SDR9C7: variants seen among roughly 807,000 people sequenced by gnomAD.
The protein encoded by SDR9C7 is short-chain dehydrogenase/reductase family 9C member 7.
In SDR9C7, 11 loss-of-function variants were observed where a neutral mutation model predicts 23.6. The ratio of observed to expected loss-of-function variants is 0.47; its 90% confidence interval spans 0.29 to 0.77. The LOEUF (loss-of-function observed/expected upper bound fraction) is 0.77. Among genes scored for constraint, SDR9C7 ranks in the 30% least tolerant of loss-of-function variants. SDR9C7 has a pLI of 0.09. For synonymous variants in SDR9C7, 167 were observed against 157.3 expected (o/e 1.06, Z -0.46); for missense variants, 387 against 407.1 (o/e 0.95, Z 0.42).
rs763148682 is a variant in SDR9C7 at position 56,934,116 on chromosome 12, C to G, written c.146G>C (p.Gly49Ala). ...GAAGCAAGCAGCCAGCACCTGCATG[C>G]CCCGATCAACCAGCTGTTTGGCCAG... ...NLLAKQLVDR[G>A]MQVLAACFTE... is the part of the protein sequence containing the mutation. The change falls in exon 1 of 4, where the codon GGC becomes GCC. Residue 49 changes from glycine (G) to alanine (A), a missense_variant. Physicochemically the swap from Gly to Ala is moderately conservative, Grantham distance 60 (BLOSUM62 0). Coordinates refer to ENST00000293502, the MANE Select transcript of SDR9C7 (RefSeq NM_148897.3). 1 of 1,614,232 alleles carries G rather than the reference C, an allele frequency of 6.2e-7. No homozygotes were observed. Among genetic ancestry groups the G allele is most frequent in the Non-Finnish European group, 8.5e-7 (1 of 1,180,048 alleles).
At chr12:56,924,255 C>T (rs578100888) in intron 3 of SDR9C7, among the ~76,000 whole-genome samples, 17 of 152,018 alleles carry the variant, frequency 1.1e-4, no homozygotes, top group East Asian at 3.9e-4. Flanking sequence ...ATGGTGAAAC[C>T]CCATCTCTAC....
intron 2 of SDR9C7, 84 bp downstream of exon 2, chr12:56,930,142 C>T (rs1298941592): frequency 1.7e-5 from 26 of 1,500,160 alleles, no homozygotes; most frequent in Non-Finnish European, 2.4e-5. Context: ...CTGCGGAATT[C>T]CCCTGCCCAC....
At chr12:56,926,001 G>A (rs1955731441) in intron 3 of SDR9C7, among the ~76,000 whole-genome samples, 1 of 152,212 alleles carries the variant, frequency 6.6e-6, no homozygotes, top group Non-Finnish European at 1.5e-5. Context: ...TCAGTGCTGG[G>A]CACCCTGCTA....
intron 3 of SDR9C7, among the ~76,000 whole-genome samples, chr12:56,928,777 C>A (rs1955749621): frequency 6.6e-6 from 1 of 152,178 alleles, no homozygotes; most frequent in Non-Finnish European, 1.5e-5. Flanking sequence ...CCGTGTCCCA[C>A]CTCTACCCTC....
rs1565614458 is a variant in SDR9C7 at position 56,934,133 on chromosome 12, T to C, written c.129A>G (p.Lys43=). ...CCTGCATGCCCCGATCAACCAGCTGTTTGGCCAGCAGGTTCCCGAAGCCAG... is the reference window on the plus strand; with the variant it reads ...CCTGCATGCCCCGATCAACCAGCTGCTTGGCCAGCAGGTTCCCGAAGCCAG... ...CDSGFGNLLA[K]QLVDRGMQVL... is the part of the protein sequence containing the mutation. Residue 43 remains lysine (K), a synonymous_variant, in exon 1 of 4, where the codon AAA becomes AAG. Transcript: ENST00000293502. 6.2e-7 allele frequency: 1 copy of C among 1,614,176 alleles called. No individual in the cohort carries two copies. The highest frequency in any genetic ancestry group is 1.6e-4 in the Middle Eastern group (1 of 6,062).
At chr12:56,929,368 C>A in intron 3 of SDR9C7, 22 bp downstream of exon 3, 1 of 1,591,582 alleles carries the variant, frequency 6.3e-7, no homozygotes, top group South Asian at 1.1e-5. Context: ...TCAGAGACCC[C>A]TCTCCTGCCC....
Position 56,930,387 on chromosome 12 carries a change from G to A in SDR9C7, c.399C>T (p.Asn133=). Residue 133 remains asparagine (N), a synonymous_variant, in exon 2 of 4, where the codon AAC becomes AAT. Transcript: ENST00000293502. The part of the protein sequence containing the change: ...KDDFVKVINV[N]LVGLIEVTLH... Reference sequence around the variant, plus strand: ...GGGTCACTTCGATCAGTCCCACCAGGTTCACATTAATCACCTTCACAAAGT... The same window carrying A: ...GGGTCACTTCGATCAGTCCCACCAGATTCACATTAATCACCTTCACAAAGT... 4 of 1,614,144 alleles carry A rather than the reference G, an allele frequency of 2.5e-6. No individual in the cohort carries two copies. Among genetic ancestry groups the A allele is most frequent in the South Asian group, 2.2e-5 (2 of 91,072 alleles).
chr12:56,934,365 G>T lies in SDR9C7; in HGVS notation c.-104C>A. 1.1e-6 allele frequency: 1 copy of T among 942,840 alleles called. No individual in the cohort carries two copies. Among genetic ancestry groups the T allele is most frequent in the Non-Finnish European group, 1.6e-6 (1 of 629,252 alleles). 58.4% of individuals were successfully genotyped at this position (942,840 alleles called of 1,614,324 possible). A position where few individuals can be genotyped will look rare whatever the true frequency, so the allele number is the denominator to read the frequency against. The stretch of plus-strand genomic sequence containing the variant: ...CAGGCAGTCTGCAGGAAACCACCTG[G>T]AAGAAGAACTCTCCTTCCTCCCACA... On this transcript the variant is annotated 5_prime_UTR_variant, in exon 1 of 4. Coordinates refer to ENST00000293502, the MANE Select transcript of SDR9C7 (RefSeq NM_148897.3).
intron 1 of SDR9C7, among the ~76,000 whole-genome samples, chr12:56,932,781 G>C (rs150396202): frequency 6.3e-4 from 96 of 152,296 alleles, no homozygotes; most frequent in African/African-American, 2.2e-3. Flanking sequence ...AAAAATCCTT[G>C]TCCCCAGGAA....
At chr12:56,928,577 G>A (rs1276273626) in intron 3 of SDR9C7, among the ~76,000 whole-genome samples, 6 of 152,222 alleles carry the variant, frequency 3.9e-5, no homozygotes, top group African/African-American at 1.4e-4. Flanking sequence ...CCCCACACAG[G>A]CTTGGGACAT....
intron 3 of SDR9C7, among the ~76,000 whole-genome samples, chr12:56,926,282 AC>A (rs898642163): frequency 2.0e-5 from 3 of 151,822 alleles, no homozygotes; most frequent in East Asian, 1.9e-4. Flanking sequence ...TCACATAGCC[AC>A]CCCCCACCAC....
chr12:56,923,696 C>T lies in SDR9C7; in HGVS notation c.*137G>A. On this transcript the variant is annotated 3_prime_UTR_variant, in exon 4 of 4. Transcript: ENST00000293502. ...TGTTAGAAGTTACTGGTAAATTCGA[C>T]AGCAGTGGGTGTCAGCTGAGCCAAG... 1.5e-6 allele frequency: 1 copy of T among 680,754 alleles called. No individual in the cohort carries two copies. The highest frequency in any genetic ancestry group is 2.8e-5 in the Admixed American group (1 of 36,018). 42.2% of individuals were successfully genotyped at this position (680,754 alleles called of 1,614,324 possible).
chr12:56,927,011 T>C (rs981014606), intron 3 of SDR9C7, among the ~76,000 whole-genome samples: 23 of 152,210 alleles, frequency 1.5e-4, no homozygotes, highest in Non-Finnish European at 2.4e-4. Context: ...GAGTGTCTCA[T>C]CTCTGAATCC....
intron 3 of SDR9C7, among the ~76,000 whole-genome samples, chr12:56,925,150 T>C (rs563149587): frequency 2.0e-5 from 3 of 152,122 alleles, no homozygotes; most frequent in Non-Finnish European, 2.9e-5. Flanking sequence ...ATCTAAGGCA[T>C]AGACAAGCAC....
In SDR9C7 at chr12:56,932,207, A is replaced by AT. The variant is rs1429100077; in HGVS notation, c.302-1724_302-1723insA. ...CCTTAAAGTTAGGGAGGAAGCTAAC[A>AT]CGGGAAATTATCCTGGATTAACCTG... On this transcript the variant is annotated intron_variant, in intron 1 of 3. Coordinates refer to ENST00000293502, the MANE Select transcript of SDR9C7 (RefSeq NM_148897.3). Among the ~76,000 whole-genome samples the AT allele has an allele frequency of 2.3e-4, 15 of 66,244 alleles. No individual in the cohort carries two copies. In the African/African-American group the frequency reaches 2.5e-3, roughly 11 times the overall value. The allele number at this position is 66,244 out of a possible 152,430, so 43.5% of individuals were successfully genotyped here.
intron 1 of SDR9C7, among the ~76,000 whole-genome samples, chr12:56,932,063 A>G (rs893977622): frequency 6.6e-6 from 1 of 152,186 alleles, no homozygotes; most frequent in Non-Finnish European, 1.5e-5. Flanking sequence ...GCTTAGGCAA[A>G]ATAATGGTCC....
intron 3 of SDR9C7, among the ~76,000 whole-genome samples, chr12:56,925,717 G>A (rs1458764622): frequency 9.2e-5 from 14 of 152,332 alleles, no homozygotes; most frequent in South Asian, 2.1e-4. Flanking sequence ...ACCTCTGACC[G>A]TAGAGCTGGC....
rs553647130 is a variant in SDR9C7 at position 56,924,006 on chromosome 12, C to G, written c.769G>C (p.Val257Leu). 3 of 1,614,056 alleles carry G rather than the reference C, an allele frequency of 1.9e-6. No homozygotes were observed. Among genetic ancestry groups the G allele is most frequent in the Admixed American group, 1.7e-5 (1 of 60,022 alleles). Residue 257 changes from valine (V) to leucine (L), a missense_variant, in exon 4 of 4, where the codon GTC (valine) becomes CTC (leucine). Physicochemically the swap from Val to Leu is conservative, Grantham distance 32 (BLOSUM62 1). Transcript: ENST00000293502. ...KNIMQVAEPR[V>L]RDVINSMEHA... The stretch of plus-strand genomic sequence containing the variant: ...TCCATGCTGTTGATGACATCTCTGA[C>G]TCTGGGCTCTGCCACCTGCATTATG...
chr12:56,930,577 T>C (rs2136369216), intron 1 of SDR9C7, 93 bp from the exon 2 acceptor site: 1 of 1,409,654 alleles, frequency 7.1e-7, no homozygotes, highest in Middle Eastern at 2.2e-4. Flanking sequence ...CAAGGATGGT[T>C]GAGCAGGTGC....
Sources: gnomAD v4.1 joint callset for allele counts (sites outside exome capture counted in the v4.1 genomes callset) on GRCh38, gnomAD v4.1.1 for gene constraint, MANE v1.5 for transcripts, NCBI Gene and HGNC (gene_info 2026-07-23, HGNC 2026-07-21) for gene names.